STAU1: variants seen among roughly 807,000 people sequenced by gnomAD.
STAU1 encodes the protein double-stranded RNA-binding protein Staufen homolog 1.
STAU1 carries 13 observed loss-of-function variants against 62.9 expected under a neutral mutation model. The ratio of observed to expected loss-of-function variants is 0.21; its 90% CI spans 0.13 to 0.33. The LOEUF is 0.33. STAU1 is among the 10% of genes least tolerant of loss of function. STAU1 has a pLI of 1.00. For synonymous variants in STAU1, 269 were observed against 265.1 expected (o/e 1.01, Z -0.14); for missense variants, 571 against 712.1 (o/e 0.80, Z 2.25).
At chr20:49,166,422 C>T (rs1332023395) in intron 2 of STAU1, 137 bp from the exon 3 acceptor site, 15 of 546,152 alleles carry the variant, frequency 2.7e-5, no homozygotes, top group African/African-American at 3.8e-5. Context: ...TTGATTTATT[C>T]GAAATATGTT....
chr20:49,147,677 A>G (rs1427428080), intron 5 of STAU1, among the ~76,000 whole-genome samples: 3 of 152,250 alleles, frequency 2.0e-5, no homozygotes, highest in African/African-American at 7.2e-5. Flanking sequence ...ATTTTATAAG[A>G]GGGAAAATGC....
At chr20:49,120,886 C>G (rs1222805073) in intron 8 of STAU1, among the ~76,000 whole-genome samples, 1 of 152,042 alleles carries the variant, frequency 6.6e-6, no homozygotes, top group Non-Finnish European at 1.5e-5. Flanking sequence ...CCTCCACTTC[C>G]CAGGTTCAAG....
intron 6 of STAU1, among the ~76,000 whole-genome samples, chr20:49,135,170 AAAAG>A (rs2092849480): frequency 1.5e-5 from 2 of 132,374 alleles, no homozygotes; most frequent in Admixed American, 7.5e-5. Flanking sequence ...TGGGTGGGAG[AAAAG>A]AAAGTGGGTT....
chr20:49,194,183 C>A, the STAU1 span, among the ~76,000 whole-genome samples: 1 of 152,026 alleles, frequency 6.6e-6, no homozygotes, highest in Non-Finnish European at 1.5e-5. Context: ...AATCCCAGCA[C>A]TTTGAGAGGC....
chr20:49,115,573 T>C (rs1017932468), intron 13 of STAU1, among the ~76,000 whole-genome samples: 1 of 152,152 alleles, frequency 6.6e-6, no homozygotes, highest in Non-Finnish European at 1.5e-5. Context: ...AGTGCTGGGA[T>C]TACAGGTGTG....
At chr20:49,168,085 AT>A (rs3091970) in intron 2 of STAU1, among the ~76,000 whole-genome samples, 57,470 of 144,416 alleles carry the variant, frequency 0.4, 10,995 homozygotes, top group Middle Eastern at 0.5. Context: ...TAAATTTTTA[AT>A]TTTTTTTTTT....
At chr20:49,203,057 G>GA in the STAU1 span, among the ~76,000 whole-genome samples, 1 of 151,788 alleles carries the variant, frequency 6.6e-6, no homozygotes, top group Non-Finnish European at 1.5e-5. Flanking sequence ...AAGAAAAAAG[G>GA]AAAAAGAAAT....
chr20:49,204,612 A>ATG, the STAU1 span, among the ~76,000 whole-genome samples: 5 of 60,138 alleles, frequency 8.3e-5, no homozygotes, highest in African/African-American at 1.5e-4. Flanking sequence ...ATATATATAT[A>ATG]TATATATATA....
At chr20:49,214,517 C>A in the STAU1 span, among the ~76,000 whole-genome samples, 762 of 118,886 alleles carry the variant, frequency 6.4e-3, no homozygotes, top group Middle Eastern at 0.02. Flanking sequence ...GATTCCGTCT[C>A]AAAAAAAAAA....
intron 1 of STAU1, among the ~76,000 whole-genome samples, chr20:49,175,984 C>T (rs963540674): frequency 1.3e-5 from 2 of 151,338 alleles, no homozygotes; most frequent in Non-Finnish European, 2.9e-5. Flanking sequence ...TTAGTAGAGA[C>T]GGGGTTTCAT....
the STAU1 span, among the ~76,000 whole-genome samples, chr20:49,198,584 C>A: frequency 6.7e-6 from 1 of 150,158 alleles, no homozygotes. Flanking sequence ...AATCCCAGCA[C>A]TTTGGAAGCC....
chr20:49,204,613 TATATATATATGTGTATATATATA>T, the STAU1 span, among the ~76,000 whole-genome samples: 3 of 45,034 alleles, frequency 6.7e-5, no homozygotes, highest in Admixed American at 4.2e-4. Flanking sequence ...TATATATATA[TATATATATATGTGTATATATATA>T]TATATATATA....
intron 9 of STAU1, among the ~76,000 whole-genome samples, 196 bp from the exon 10 acceptor site, chr20:49,118,604 TCCTGCCCACACC>T (rs912174181): frequency 9.9e-5 from 15 of 152,190 alleles, no homozygotes; most frequent in African/African-American, 3.6e-4. Context: ...TAATGCACCC[TCCTGCCCACACC>T]CCTGCCCACA....
In STAU1 at chr20:49,171,712, T is replaced by C. The variant is rs527746493; in HGVS notation, c.-85+2483A>G. Among the ~76,000 whole-genome samples, 6 of 152,146 alleles carry C rather than the reference T, an allele frequency of 3.9e-5. No individual in the cohort carries two copies. In the South Asian group the frequency reaches 1.2e-3, roughly 32 times the overall value. ...CCTCCCAGCCCCCCAAAATAGTAATTCATTGACTCCAAACATTATCCAAAT... is the reference window on the plus strand; with the variant it reads ...CCTCCCAGCCCCCCAAAATAGTAATCCATTGACTCCAAACATTATCCAAAT... On this transcript the variant is annotated intron_variant, in intron 2 of 13. Coordinates refer to ENST00000371856, the MANE Select transcript of STAU1 (RefSeq NM_017453.4).
chr20:49,203,605 AC>A, the STAU1 span, among the ~76,000 whole-genome samples: 1 of 152,200 alleles, frequency 6.6e-6, no homozygotes, highest in Non-Finnish European at 1.5e-5. Flanking sequence ...TCATTGAAAT[AC>A]CTTTTAGTAT....
At chr20:49,165,351 C>CT (rs1485775535) in intron 3 of STAU1, among the ~76,000 whole-genome samples, 2 of 142,440 alleles carry the variant, frequency 1.4e-5, no homozygotes, top group Non-Finnish European at 3.0e-5. Flanking sequence ...CCTATTTTTT[C>CT]TTTTTTTGAG....
At chr20:49,167,522 C>A (rs1381308979) in intron 2 of STAU1, among the ~76,000 whole-genome samples, 2 of 152,100 alleles carry the variant, frequency 1.3e-5, no homozygotes, top group East Asian at 3.9e-4. Context: ...ATAAGTATTA[C>A]CTTATTCAAC....
At chr20:49,193,904 G>C in the STAU1 span, among the ~76,000 whole-genome samples, 4 of 151,870 alleles carry the variant, frequency 2.6e-5, no homozygotes, top group African/African-American at 9.7e-5. Context: ...GGGAGGCGGA[G>C]CTTGCAGTGA....
intron 5 of STAU1, among the ~76,000 whole-genome samples, chr20:49,146,751 A>C (rs1227726425): frequency 6.6e-6 from 1 of 151,950 alleles, no homozygotes; most frequent in South Asian, 2.1e-4. Context: ...ATACACACTG[A>C]AACACCAACA....
Sources: gnomAD v4.1 joint callset for allele counts (sites outside exome capture counted in the v4.1 genomes callset) on GRCh38, gnomAD v4.1.1 for gene constraint, MANE v1.5 for transcripts, NCBI Gene and HGNC (gene_info 2026-07-23, HGNC 2026-07-21) for gene names.